FAT2: variants seen among roughly 807,000 people sequenced by gnomAD.
FAT2 encodes FAT atypical cadherin 2.
Under a neutral mutation model 295.3 loss-of-function variants are expected in FAT2, and 150 were observed. The observed-to-expected ratio is 0.51, with a 90% confidence interval of 0.44 to 0.58. The LOEUF (loss-of-function observed/expected upper bound fraction) is 0.58, where lower values mean the gene tolerates loss of function less well. FAT2 is among the 20% of genes least tolerant of loss of function. The pLI is 0.00. For missense variants in FAT2, 4,868 were observed against 5,442.7 expected (o/e 0.89, Z 3.32); for synonymous variants, 2,026 against 2,150.3 (o/e 0.94, Z 1.60).
rs1262061455 is a variant in FAT2 at position 151,522,067 on chromosome 5, G to A, written c.10526C>T (p.Pro3509Leu). The A allele has an allele frequency of 4.4e-6, 7 of 1,595,746 alleles. No homozygotes were observed. The African/African-American group carries it at 8.0e-5, about 18-fold the overall frequency. ...LQIQASDSGI[P>L]PLSSLTSVRV... Reference sequence around the variant, plus strand: ...GACAGACGTCAAAGACGAGAGGGGAGGGATGCCACTGTCTGACGCCTGTGG... The same window carrying A: ...GACAGACGTCAAAGACGAGAGGGGAAGGATGCCACTGTCTGACGCCTGTGG... The change falls in exon 19 of 24, where the codon CCT becomes CTT. Residue 3509 changes from proline to leucine, a missense_variant. Physicochemically the swap from Pro to Leu is moderately conservative, Grantham distance 98. Around this residue, in one of 5 missense-constraint regions of FAT2, gnomAD observed 1,046 missense variants for 1,210.1 expected, o/e 0.86. Transcript: ENST00000261800.
chr5:151,509,142 C>G (rs577091326), intron 22 of FAT2, among the ~76,000 whole-genome samples: 16 of 152,284 alleles, frequency 1.1e-4, no homozygotes, highest in African/African-American at 3.6e-4. Flanking sequence ...CCAAGTGGAA[C>G]CATTTTCCCC....
intron 18 of FAT2, among the ~76,000 whole-genome samples, chr5:151,524,984 G>T (rs1008642697): frequency 6.6e-6 from 1 of 152,074 alleles, no homozygotes; most frequent in African/African-American, 2.4e-5. Flanking sequence ...TCTGTTTATT[G>T]TTTATCTCCA....
At chr5:151,508,709 C>CAA (rs577518222) in intron 22 of FAT2, among the ~76,000 whole-genome samples, 5 of 110,162 alleles carry the variant, frequency 4.5e-5, no homozygotes, top group African/African-American at 6.5e-5. Flanking sequence ...AACTCCTTCT[C>CAA]AAAAAAAAAA....
intron 18 of FAT2, among the ~76,000 whole-genome samples, chr5:151,522,393 T>G (rs764261864): frequency 2.0e-5 from 3 of 152,230 alleles, no homozygotes; most frequent in Non-Finnish European, 4.4e-5. Flanking sequence ...AGCCATAGAC[T>G]TGGGCTAACT....
intron 1 of FAT2, among the ~76,000 whole-genome samples, chr5:151,580,560 G>A (rs1758908490): frequency 6.6e-6 from 1 of 152,216 alleles, no homozygotes; most frequent in African/African-American, 2.4e-5. Context: ...GGCCCCAGGA[G>A]CCCCTTGTGG....
chr5:151,576,117 A>C (rs1758738141), intron 1 of FAT2, among the ~76,000 whole-genome samples: 1 of 152,212 alleles, frequency 6.6e-6, no homozygotes, highest in African/African-American at 2.4e-5. Context: ...CTATTAAAGC[A>C]GAATGAAAAG....
Position 151,545,444 on chromosome 5 carries a change from G to A in FAT2, c.5683C>T (p.Arg1895Trp), listed in dbSNP as rs34464977. ...IHPGMELLMV[R>W]ASDEDSEVNY... Reference sequence around the variant, plus strand: ...ACTTCTGAGTCTTCATCGCTGGCCCGCACCATGAGAAGCTCCATGCCTGGA... The same window carrying A: ...ACTTCTGAGTCTTCATCGCTGGCCCACACCATGAGAAGCTCCATGCCTGGA... The change falls in exon 10 of 24, where the codon CGG becomes TGG. Residue 1895 changes from arginine to tryptophan, a missense_variant. Arg to Trp is a moderately radical substitution (Grantham distance 101). Coordinates refer to ENST00000261800, the MANE Select transcript of FAT2 (RefSeq NM_001447.3). 1,419 of 1,614,100 alleles carry A rather than the reference G, an allele frequency of 8.8e-4. 7 individuals carry two copies. The African/African-American group carries it at 0.013, about 15-fold the overall frequency.
Position 151,534,600 on chromosome 5 carries a change from T to G in FAT2, c.9236A>C (p.Asp3079Ala). ...CGCCTTGGCAACAAGGTTGAACACATCCTTCCTTTCTCGGTCTAGGGCAGT... is the reference window on the plus strand; with the variant it reads ...CGCCTTGGCAACAAGGTTGAACACAGCCTTCCTTTCTCGGTCTAGGGCAGT... The part of the protein sequence containing the change: ...TLTALDRERK[D>A]VFNLVAKATD... Residue 3079 changes from aspartate (D) to alanine (A), a missense_variant, in exon 13 of 24, where the codon GAT becomes GCT. Coordinates refer to ENST00000261800, the MANE Select transcript of FAT2 (RefSeq NM_001447.3). 6.2e-7 allele frequency: 1 copy of G among 1,613,962 alleles called. No homozygotes were observed. The highest frequency in any genetic ancestry group is 2.2e-5 in the East Asian group (1 of 44,872).
chr5:151,537,342 AGAAAAG>A lies in FAT2; in HGVS notation c.9193+445_9193+450del, dbSNP rs1187352031. Among the ~76,000 whole-genome samples the A allele has an allele frequency of 2.3e-5, 3 of 131,740 alleles. No individual in the cohort carries two copies. The East Asian group carries it at 8.3e-4, about 36-fold the overall frequency. 86.4% of individuals were successfully genotyped at this position (131,740 alleles called of 152,430 possible). On this transcript the variant is annotated intron_variant, in intron 12 of 23. Transcript: ENST00000261800. ...AAGAGAAAAAAAGAAAGAAAAGAAA[AGAAAAG>A]AAAAAAGAAGGAAGGAAGGAAAGAA...
chr5:151,543,807 G>T lies in FAT2; in HGVS notation c.7320C>A (p.Asn2440Lys), dbSNP rs1756382684. Reference protein sequence around the residue: ...NSSSGIISMFNLCKKHLDSSY... With the variant: ...NSSSGIISMFKLCKKHLDSSY... ...AAGAGTCCAGGTGCTTTTTGCAAAG[G>T]TTGAACATAGAAATTATTCCCGATG... The change falls in exon 10 of 24, where the codon AAC becomes AAA. Residue 2440 changes from asparagine (N) to lysine (K), a missense_variant. By Grantham distance (94) the Asn-to-Lys change is moderately conservative. This residue lies in a region of FAT2 where 3,297 missense variants were observed against 3,669.4 expected (regional missense o/e 0.90). Coordinates refer to ENST00000261800, the MANE Select transcript of FAT2 (RefSeq NM_001447.3). 6.2e-7 allele frequency: 1 copy of T among 1,613,886 alleles called. No homozygotes were observed. The highest frequency in any genetic ancestry group is 1.1e-5 in the South Asian group (1 of 91,034).
chr5:151,551,700 G>T (rs1475558408), intron 6 of FAT2, 94 bp from the exon 7 acceptor site: 2 of 1,366,226 alleles, frequency 1.5e-6, no homozygotes, highest in African/African-American at 1.4e-5. Context: ...AGAGGACACG[G>T]TGGTAAATTC....
chr5:151,520,932 CAG>C (rs755021259), intron 19 of FAT2, among the ~76,000 whole-genome samples: 1 of 152,192 alleles, frequency 6.6e-6, no homozygotes, highest in Admixed American at 6.5e-5. Flanking sequence ...CTCAAAGGCA[CAG>C]AGAGGTTAAT....
At chr5:151,573,543 A>G (rs1758621250) in intron 1 of FAT2, among the ~76,000 whole-genome samples, 1 of 152,136 alleles carries the variant, frequency 6.6e-6, no homozygotes, top group South Asian at 2.1e-4. Context: ...AATCCTAGCT[A>G]CTCGGGAGGC....
chr5:151,568,744 G>A lies in FAT2; in HGVS notation c.188C>T (p.Ala63Val), dbSNP rs192641187. The change falls in exon 2 of 24, where the codon GCG (alanine) becomes GTG (valine). Residue 63 changes from alanine to valine, a missense_variant. Around this residue, in one of 5 missense-constraint regions of FAT2, gnomAD observed 3,297 missense variants for 3,669.4 expected, o/e 0.90. Transcript: ENST00000261800. ...ESFEKMGIYL[A>V]EPQWAVRYRI... Reference sequence around the variant, plus strand: ...GTACCTCACTGCCCACTGTGGCTCCGCGAGGTAGATGCCCATTTTCTCGAA... The same window carrying A: ...GTACCTCACTGCCCACTGTGGCTCCACGAGGTAGATGCCCATTTTCTCGAA... 8.1e-5 allele frequency: 130 copies of A among 1,614,108 alleles called. No homozygotes were observed. The highest frequency in any genetic ancestry group is 3.3e-4 in the Middle Eastern group (2 of 6,062).
intron 1 of FAT2, among the ~76,000 whole-genome samples, chr5:151,581,813 G>A (rs2127660553): frequency 6.6e-6 from 1 of 152,132 alleles, no homozygotes; most frequent in East Asian, 1.9e-4. Context: ...ATTGTGAAGG[G>A]GGAGGATCAT....
chr5:151,515,219 T>C (rs2127573406), intron 20 of FAT2, among the ~76,000 whole-genome samples: 1 of 152,308 alleles, frequency 6.6e-6, no homozygotes, highest in South Asian at 2.1e-4. Context: ...GCTTCCTGCA[T>C]ACAATACTCC....
chr5:151,525,282 C>T (rs1009122045), intron 18 of FAT2, among the ~76,000 whole-genome samples: 1 of 152,116 alleles, frequency 6.6e-6, no homozygotes, highest in African/African-American at 2.4e-5. Context: ...CCTATGAAAC[C>T]CATAACACCA....
chr5:151,579,073 A>G (rs1406124710), intron 1 of FAT2, among the ~76,000 whole-genome samples: 1 of 152,212 alleles, frequency 6.6e-6, no homozygotes, highest in Admixed American at 6.5e-5. Context: ...CACCAGGAAC[A>G]CAGGGCTTGG....
rs1755014540 is a variant in FAT2 at position 151,534,478 on chromosome 5, C to G, written c.9358G>C (p.Val3120Leu). The G allele has an allele frequency of 6.2e-7, 1 of 1,613,958 alleles. No individual in the cohort carries two copies. Among genetic ancestry groups the G allele is most frequent in the Admixed American group, 1.7e-5 (1 of 60,010 alleles). The change falls in exon 13 of 24, where the codon GTG becomes CTG. Residue 3120 changes from valine (V) to leucine (L), a missense_variant. By Grantham distance (32) the Val-to-Leu change is conservative. This residue lies in a region of FAT2 where 1,046 missense variants were observed against 1,210.1 expected (regional missense o/e 0.86). Coordinates refer to ENST00000261800, the MANE Select transcript of FAT2 (RefSeq NM_001447.3). ...APRFFPSHCA[V>L]AVFDNTTVKT... ...ACTGTGGTGTTGTCGAAGACAGCCA[C>G]AGCACAGTGGCTGGGGAAGAACCGC...
Sources: gnomAD v4.1 joint callset for allele counts (sites outside exome capture counted in the v4.1 genomes callset) on GRCh38, gnomAD v4.1.1 for gene constraint, gnomAD v4.1.1 regional missense constraint, MANE v1.5 for transcripts, NCBI Gene and HGNC (gene_info 2026-07-23, HGNC 2026-07-21) for gene names.